Variants in CTNNA3 observed in about 807,000 individuals in gnomAD.
CTNNA3 encodes the protein catenin alpha 3.
In CTNNA3, 76 loss-of-function variants were observed where a neutral mutation model predicts 95.7. The observed-to-expected ratio is 0.79, with a 90% confidence interval of 0.66 to 0.96. The LOEUF (loss-of-function observed/expected upper bound fraction) is 0.96, where lower values mean the gene tolerates loss of function less well. Ranked by LOEUF, CTNNA3 falls within the 40% of genes least tolerant of loss-of-function variation. The pLI, the probability that CTNNA3 is intolerant of heterozygous loss-of-function variation, is 0.00. For synonymous variants in CTNNA3, 431 were observed against 374.4 expected (o/e 1.15, Z -1.74); for missense variants, 1,191 against 1,089.8 (o/e 1.09, Z -1.31).
At chr10:67,210,162 C>A (rs1864080655) in intron 6 of CTNNA3, among the ~76,000 whole-genome samples, 1 of 151,922 alleles carries the variant, frequency 6.6e-6, no homozygotes, top group Non-Finnish European at 1.5e-5. Flanking sequence ...AAAAAATTAG[C>A]CAGGCATGAT....
chr10:66,816,308 T>C (rs1324360177), intron 7 of CTNNA3, among the ~76,000 whole-genome samples: 1 of 151,956 alleles, frequency 6.6e-6, no homozygotes, highest in African/African-American at 2.4e-5. Flanking sequence ...AGAAAACAAA[T>C]ATCAAATTGG....
chr10:67,555,640 T>G (rs2133240677), intron 3 of CTNNA3, among the ~76,000 whole-genome samples: 1 of 152,340 alleles, frequency 6.6e-6, no homozygotes, highest in African/African-American at 2.4e-5. Context: ...CTTATCAGCT[T>G]AAGGAGATTT....
At chr10:66,286,815 G>A (rs2091596691) in intron 12 of CTNNA3, among the ~76,000 whole-genome samples, 1 of 152,000 alleles carries the variant, frequency 6.6e-6, no homozygotes, top group Admixed American at 6.6e-5. Flanking sequence ...TCTTTGCACA[G>A]TTGTCTATAA....
chr10:67,387,856 G>A (rs1384309339), intron 5 of CTNNA3, among the ~76,000 whole-genome samples: 1 of 152,170 alleles, frequency 6.6e-6, no homozygotes, highest in Non-Finnish European at 1.5e-5. Context: ...GGTCCTGTCT[G>A]TTAGAAGGAA....
intron 1 of CTNNA3, among the ~76,000 whole-genome samples, chr10:67,726,344 T>C (rs1841216365): frequency 1.5e-5 from 1 of 67,968 alleles, no homozygotes; most frequent in South Asian, 6.9e-4. Context: ...TTATATATAA[T>C]ATATGATATA....
At chr10:66,044,058 C>T (rs185014083) in intron 15 of CTNNA3, among the ~76,000 whole-genome samples, 10 of 151,452 alleles carry the variant, frequency 6.6e-5, no homozygotes, top group Admixed American at 5.9e-4. Context: ...TGCAGTGGTG[C>T]GATATTGGCT....
intron 7 of CTNNA3, among the ~76,000 whole-genome samples, chr10:66,845,725 A>C (rs112139282): frequency 0.049 from 4,913 of 100,308 alleles, 694 homozygotes; most frequent in African/African-American, 0.15. Context: ...AAAAAAAAAA[A>C]AAAACTAAAA....
intron 10 of CTNNA3, among the ~76,000 whole-genome samples, chr10:66,562,342 C>T (rs1842578996): frequency 6.6e-6 from 1 of 152,062 alleles, no homozygotes; most frequent in African/African-American, 2.4e-5. Context: ...AAAGAAGAAA[C>T]TGAGCTCAGA....
intron 11 of CTNNA3, among the ~76,000 whole-genome samples, chr10:66,399,034 G>A (rs2093000577): frequency 6.6e-6 from 1 of 152,044 alleles, no homozygotes; most frequent in Admixed American, 6.6e-5. Flanking sequence ...ACTGAAAATA[G>A]TAATTTCACT....
chr10:67,429,626 G>C (rs1016769901), intron 5 of CTNNA3, among the ~76,000 whole-genome samples: 1 of 151,912 alleles, frequency 6.6e-6, no homozygotes, highest in African/African-American at 2.4e-5. Context: ...AGAAACAAAA[G>C]GCAACATCAA....
chr10:67,633,185 G>A (rs1245364108), intron 2 of CTNNA3, among the ~76,000 whole-genome samples: 1 of 152,062 alleles, frequency 6.6e-6, no homozygotes, highest in Non-Finnish European at 1.5e-5. Flanking sequence ...CCCTGTGGGG[G>A]TTTCAGCCAC....
At chr10:66,445,835 G>A (rs1237171141) in intron 11 of CTNNA3, among the ~76,000 whole-genome samples, 4 of 152,094 alleles carry the variant, frequency 2.6e-5, no homozygotes, top group African/African-American at 4.8e-5. Context: ...GAGCAGAACT[G>A]AAGGAAATAG....
chr10:66,547,266 T>C (rs1296624949), intron 10 of CTNNA3, among the ~76,000 whole-genome samples: 1 of 151,740 alleles, frequency 6.6e-6, no homozygotes, highest in Non-Finnish European at 1.5e-5. Flanking sequence ...AATAAAATAT[T>C]GGATAGACAG....
chr10:66,581,641 T>C (rs1238626365), intron 10 of CTNNA3, among the ~76,000 whole-genome samples: 2 of 151,680 alleles, frequency 1.3e-5, no homozygotes, highest in African/African-American at 2.4e-5. Context: ...GTGAAGAAGC[T>C]TTTTAGTTTG....
At chr10:65,999,499 C>G (rs2078729051) in intron 15 of CTNNA3, among the ~76,000 whole-genome samples, 1 of 152,086 alleles carries the variant, frequency 6.6e-6, no homozygotes, top group African/African-American at 2.4e-5. Flanking sequence ...CATGTAGAAC[C>G]TAAAAGTAAT....
chr10:67,362,122 T>C (rs1843010532), intron 5 of CTNNA3, among the ~76,000 whole-genome samples: 1 of 151,878 alleles, frequency 6.6e-6, no homozygotes, highest in Non-Finnish European at 1.5e-5. Context: ...GTTGAATCAA[T>C]AATAAAAATT....
intron 7 of CTNNA3, among the ~76,000 whole-genome samples, chr10:66,785,631 G>A (rs1039307593): frequency 2.0e-5 from 3 of 152,102 alleles, no homozygotes; most frequent in Non-Finnish European, 4.4e-5. Context: ...TGGCTCCCCT[G>A]GTTCTCTGGC....
At chr10:67,381,736 G>T (rs952893147) in intron 5 of CTNNA3, among the ~76,000 whole-genome samples, 1 of 152,096 alleles carries the variant, frequency 6.6e-6, no homozygotes, top group Non-Finnish European at 1.5e-5. Context: ...TTCTATATAG[G>T]CACTTTCAAA....
intron 7 of CTNNA3, among the ~76,000 whole-genome samples, chr10:67,034,537 AC>A (rs1213193187): frequency 6.6e-6 from 1 of 152,000 alleles, no homozygotes; most frequent in African/African-American, 2.4e-5. Context: ...TCAATCTCCT[AC>A]CCTCCATTAA....
Sources: allele counts gnomAD v4.1 joint callset (sites outside exome capture counted in the v4.1 genomes callset), GRCh38; gene constraint gnomAD v4.1.1; transcripts MANE v1.5; gene names NCBI Gene and HGNC (gene_info 2026-07-23, HGNC 2026-07-21).